CCDC97: variants seen among roughly 807,000 people sequenced by gnomAD.
The protein encoded by CCDC97 is coiled-coil domain-containing protein 97.
A neutral mutation model predicts 33.9 loss-of-function variants in CCDC97; 27 were observed. That is an observed-to-expected ratio of 0.80 (90% CI 0.59 to 1.10). CCDC97 has a LOEUF of 1.10. CCDC97 is among the 50% of genes least tolerant of loss of function. CCDC97 has a pLI of 0.00. For missense variants in CCDC97, 422 were observed against 476.6 expected (o/e 0.89, Z 1.07); for synonymous variants, 217 against 194.0 (o/e 1.12, Z -0.99).
chr19:41,314,672 T>C (rs1207226389), intron 1 of CCDC97, among the ~76,000 whole-genome samples: 1 of 152,216 alleles, frequency 6.6e-6, no homozygotes, highest in East Asian at 1.9e-4. Context: ...AAATGTCACT[T>C]TTTTGGCAAA....
At position 41,320,471 on chromosome 19, in the gene CCDC97, G is replaced by A. The variant is rs753405779; in HGVS notation, c.911+1G>A. 1 of 1,613,734 alleles carries A rather than the reference G, an allele frequency of 6.2e-7. No homozygotes were observed. The highest frequency in any genetic ancestry group is 1.7e-4 in the Middle Eastern group (1 of 6,056). ...GCAAGGACGGGGACTTTGACTACAGGTGCTCCTGTGCCTCCACCTCCCCAT... is the reference window on the plus strand; with the variant it reads ...GCAAGGACGGGGACTTTGACTACAGATGCTCCTGTGCCTCCACCTCCCCAT... On this transcript the variant is annotated splice_donor_variant, in intron 4 of 4. Coordinates refer to ENST00000269967, the MANE Select transcript of CCDC97 (RefSeq NM_052848.3). LOFTEE classifies it high-confidence loss of function.
chr19:41,314,723 A>G (rs997151271), intron 1 of CCDC97, among the ~76,000 whole-genome samples: 16 of 152,184 alleles, frequency 1.1e-4, no homozygotes, highest in African/African-American at 3.4e-4. Context: ...AGCCTTGGCC[A>G]GGCATGGTGG....
intron 1 of CCDC97, among the ~76,000 whole-genome samples, chr19:41,314,907 TG>T (rs1228663540): frequency 6.6e-6 from 1 of 150,842 alleles, no homozygotes; most frequent in Non-Finnish European, 1.5e-5. Flanking sequence ...AAGATCGAGG[TG>T]GGAGGATTGC....
chr19:41,320,808 T>C, intron 4 of CCDC97: 1 of 254,744 alleles, frequency 3.9e-6, no homozygotes, highest in Non-Finnish European at 7.9e-6. Flanking sequence ...GCCCAACCTC[T>C]TCCGCTTCAC....
intron 2 of CCDC97, among the ~76,000 whole-genome samples, chr19:41,319,311 G>A (rs1214181484): frequency 3.3e-5 from 5 of 152,166 alleles, no homozygotes; most frequent in African/African-American, 7.2e-5. Flanking sequence ...GAGTGCTTGC[G>A]CACACAGCTT....
At position 41,322,969 on chromosome 19, in the gene CCDC97, T is replaced by C. The variant is rs1055854062; in HGVS notation, c.*254T>C. On this transcript the variant is annotated 3_prime_UTR_variant, in exon 5 of 5. Coordinates refer to ENST00000269967, the MANE Select transcript of CCDC97 (RefSeq NM_052848.3). ...TGGTGTCTGTCTGGGCTTCTTTCTG[T>C]CTCTTTCTGTCTTTCTGTCTCTCTC... 1.9e-5 allele frequency: 6 copies of C among 322,092 alleles called. No individual in the cohort carries two copies. Among genetic ancestry groups the C allele is most frequent in the Non-Finnish European group, 3.5e-5 (6 of 170,734 alleles). The allele number at this position is 322,092 out of a possible 1,614,324, so 20.0% of individuals were successfully genotyped here.
Position 41,314,224 on chromosome 19 carries a change from G to A in CCDC97, c.47-2160G>A, listed in dbSNP as rs938739573. On this transcript the variant is annotated intron_variant, in intron 1 of 4. Transcript: ENST00000269967. ...TGCAATGGCACGATCTTGGCTCACC[G>A]CAACCTCTGCCTCCCAGGTTCAAGC... 5.3e-5 allele frequency among the ~76,000 whole-genome samples: 8 copies of A among 151,006 alleles called. No homozygotes were observed. In the East Asian group the frequency reaches 1.6e-3, roughly 29 times the overall value.
At chr19:41,315,061 G>A (rs1174200911) in intron 1 of CCDC97, among the ~76,000 whole-genome samples, 6 of 151,800 alleles carry the variant, frequency 4.0e-5, no homozygotes, top group Admixed American at 3.9e-4. Context: ...CAGCACTTTG[G>A]GAGGCCGAGG....
chr19:41,320,494 C>A, intron 4 of CCDC97, 24 bp downstream of exon 4: 1 of 1,613,608 alleles, frequency 6.2e-7, no homozygotes, highest in South Asian at 1.1e-5. Context: ...TCCACCTCCC[C>A]ATCCCCCAGC....
chr19:41,318,852 C>T (rs1208129802), intron 2 of CCDC97, among the ~76,000 whole-genome samples: 2 of 152,172 alleles, frequency 1.3e-5, no homozygotes, highest in Non-Finnish European at 2.9e-5. Flanking sequence ...CCCACCTGAC[C>T]TGATCCCTTG....
rs1024065259 is a variant in CCDC97, at chr19:41,310,235, A to C, written c.-76A>C. On this transcript the variant is annotated 5_prime_UTR_variant, in exon 1 of 5. Transcript: ENST00000269967. ...CGGACCCGGAACATTCTCAGGCGAA[A>C]GTGTCTCTTGCGTGCGTGGGCCGGA... 196 of 1,543,228 alleles carry C rather than the reference A, an allele frequency of 1.3e-4. No homozygotes were observed. Among genetic ancestry groups the C allele is most frequent in the Middle Eastern group, 1.7e-4 (1 of 5,842 alleles).
rs2037834974 is a variant in CCDC97 at position 41,322,575 on chromosome 19, ACAGCCTCCTCCTCCTG to A, written c.912-15_912del. ...GGGTCCCAGGGAGACCCAGTCCTTG[ACAGCCTCCTCCTCCTG>A]CAGCACAGTAGACGACAACCCCGAC... On this transcript the variant is annotated splice_polypyrimidine_tract_variant and splice_region_variant and intron_variant, in intron 4 of 4. Coordinates refer to ENST00000269967, the MANE Select transcript of CCDC97 (RefSeq NM_052848.3). 1 of 1,610,096 alleles carries A rather than the reference ACAGCCTCCTCCTCCTG, an allele frequency of 6.2e-7. No homozygotes were observed. Among genetic ancestry groups the A allele is most frequent in the Non-Finnish European group, 8.5e-7 (1 of 1,177,592 alleles).
chr19:41,314,086 C>T (rs2037716528), intron 1 of CCDC97, among the ~76,000 whole-genome samples: 1 of 152,142 alleles, frequency 6.6e-6, no homozygotes, highest in Non-Finnish European at 1.5e-5. Flanking sequence ...AGGAGCTGGA[C>T]TGGATTCATC....
intron 4 of CCDC97, among the ~76,000 whole-genome samples, chr19:41,321,781 CAGTCGCAAGG>C (rs1157586353): frequency 6.6e-6 from 1 of 152,200 alleles, no homozygotes. Flanking sequence ...GGGGCTGGAG[CAGTCGCAAGG>C]GGTCGCAAGG....
At chr19:41,313,070 C>T (rs1291147505) in intron 1 of CCDC97, among the ~76,000 whole-genome samples, 1 of 152,090 alleles carries the variant, frequency 6.6e-6, no homozygotes, top group Admixed American at 6.6e-5. Flanking sequence ...TTGCAACCGG[C>T]CTCTTTTTTT....
intron 1 of CCDC97, among the ~76,000 whole-genome samples, chr19:41,312,643 A>G (rs1274749336): frequency 1.3e-5 from 2 of 152,172 alleles, no homozygotes; most frequent in Admixed American, 1.3e-4. Context: ...GTGTTGCTGA[A>G]CTGAAATCCA....
chr19:41,319,920 T>C, intron 3 of CCDC97, 68 bp downstream of exon 3: 1 of 759,106 alleles, frequency 1.3e-6, no homozygotes, highest in Non-Finnish European at 2.1e-6. Context: ...TGTCTCCACT[T>C]CATGGCAGCA....
chr19:41,316,620 A>G lies in CCDC97; in HGVS notation c.283A>G (p.Ile95Val). The G allele has an allele frequency of 2.5e-6, 4 of 1,614,202 alleles. No individual in the cohort carries two copies. The highest frequency in any genetic ancestry group is 2.2e-5 in the South Asian group (2 of 91,084). Reference sequence around the variant, plus strand: ...CTTGACAGAGCATGAGAAAGTGGCCATCCTGGCCCAGCTGTACCACGAGAA... The same window carrying G: ...CTTGACAGAGCATGAGAAAGTGGCCGTCCTGGCCCAGCTGTACCACGAGAA... Reference protein sequence around the residue: ...PDLTEHEKVAILAQLYHEKPL... With the variant: ...PDLTEHEKVAVLAQLYHEKPL... Residue 95 changes from isoleucine (I) to valine (V), a missense_variant, in exon 2 of 5, where the codon ATC becomes GTC. Ile to Val is a conservative substitution (Grantham distance 29). Transcript: ENST00000269967.
At chr19:41,310,843 A>G in intron 1 of CCDC97, 3 of 988,606 alleles carry the variant, frequency 3.0e-6, no homozygotes, top group Non-Finnish European at 2.4e-6. Flanking sequence ...GTTTCCCCCA[A>G]AGTCCGAAAT....
Sources: allele counts gnomAD v4.1 joint callset (sites outside exome capture counted in the v4.1 genomes callset), GRCh38; gene constraint gnomAD v4.1.1; transcripts MANE v1.5; gene names NCBI Gene and HGNC (gene_info 2026-07-23, HGNC 2026-07-21).